APBA2: variants seen among roughly 807,000 people sequenced by gnomAD.
The protein encoded by APBA2 is amyloid beta precursor protein binding family A member 2.
A neutral mutation model predicts 75.0 loss-of-function variants in APBA2; 30 were observed. That is an observed-to-expected ratio of 0.40 (90% confidence interval 0.30 to 0.54). The LOEUF is 0.54. Ranked by LOEUF, APBA2 falls within the 20% of genes least tolerant of loss-of-function variation. The pLI is 0.49. For missense variants in APBA2, 801 were observed against 1,016.1 expected, an observed-to-expected ratio of 0.79 and a Z score of 2.88; for synonymous variants, 444 against 409.6, an observed-to-expected ratio of 1.08 and a Z score of -1.01.
At chr15:29,006,540 G>C (rs1237887222) in intron 3 of APBA2, among the ~76,000 whole-genome samples, 1 of 152,204 alleles carries the variant, frequency 6.6e-6, no homozygotes, top group East Asian at 1.9e-4. Flanking sequence ...ATTTACAAAG[G>C]AAAGAGGTTT....
intron 8 of APBA2, among the ~76,000 whole-genome samples, chr15:29,095,343 C>T (rs2043799508): frequency 6.6e-6 from 1 of 151,904 alleles, no homozygotes; most frequent in African/African-American, 2.4e-5. Context: ...GCAGGAGAAT[C>T]ACTTGAACTC....
At chr15:28,957,957 C>T (rs751169076) in intron 2 of APBA2, among the ~76,000 whole-genome samples, 2 of 152,182 alleles carry the variant, frequency 1.3e-5, no homozygotes, top group Admixed American at 6.5e-5. Context: ...TGTCCTGCTG[C>T]GACTGGGTTG....
chr15:29,073,720 T>G (rs190342106), intron 4 of APBA2, among the ~76,000 whole-genome samples: 10 of 152,350 alleles, frequency 6.6e-5, no homozygotes, highest in Non-Finnish European at 1.0e-4. Context: ...GATAATTTAT[T>G]TCCAGAAAGT....
intron 6 of APBA2, among the ~76,000 whole-genome samples, chr15:29,084,515 A>G (rs1464707040): frequency 1.3e-5 from 2 of 152,216 alleles, no homozygotes; most frequent in Non-Finnish European, 2.9e-5. Flanking sequence ...AGCCTCTTTA[A>G]ATATTTCATA....
intron 2 of APBA2, among the ~76,000 whole-genome samples, chr15:28,941,946 A>C (rs564530780): frequency 2.0e-4 from 30 of 152,118 alleles, no homozygotes; most frequent in African/African-American, 7.0e-4. Context: ...TTTTTAGTAG[A>C]GACACGGTTT....
At chr15:28,998,770 C>A (rs2038682787) in intron 3 of APBA2, among the ~76,000 whole-genome samples, 2 of 152,320 alleles carry the variant, frequency 1.3e-5, no homozygotes, top group African/African-American at 2.4e-5. Context: ...TGATGCAGGA[C>A]AGCTGGTTGG....
At chr15:28,936,480 C>T (rs565466877) in intron 2 of APBA2, among the ~76,000 whole-genome samples, 2 of 152,328 alleles carry the variant, frequency 1.3e-5, no homozygotes, top group East Asian at 1.9e-4. Flanking sequence ...TTTGGATACA[C>T]CGGTTCTGTG....
chr15:29,096,552 C>T lies in APBA2; in HGVS notation c.1252-1938C>T, dbSNP rs557841651. The stretch of plus-strand genomic sequence containing the variant: ...TTTTAAAAAACAGAAAAAGTTCCTC[C>T]GCGGCTGCGGATTGTCAGCTGCACT... On this transcript the variant is annotated intron_variant, in intron 8 of 14. Coordinates refer to ENST00000683413, the MANE Select transcript of APBA2 (RefSeq NM_001353788.2). Among the ~76,000 whole-genome samples the T allele has an allele frequency of 5.3e-5, 8 of 152,356 alleles. No individual in the cohort carries two copies. The South Asian group carries it at 1.5e-3, about 28-fold the overall frequency.
chr15:29,044,606 C>T (rs59203516), intron 3 of APBA2, among the ~76,000 whole-genome samples: 5,251 of 152,108 alleles, frequency 0.035, 255 homozygotes, highest in East Asian at 0.21. Flanking sequence ...GCCACACCCC[C>T]CCTGGGCTCA....
intron 2 of APBA2, among the ~76,000 whole-genome samples, chr15:28,964,370 T>C (rs985332369): frequency 2.0e-5 from 3 of 152,232 alleles, no homozygotes; most frequent in Non-Finnish European, 4.4e-5. Context: ...TGTAGTGATA[T>C]CTAGTTGTGG....
At chr15:28,992,318 A>T (rs1034686283) in intron 2 of APBA2, among the ~76,000 whole-genome samples, 1 of 152,180 alleles carries the variant, frequency 6.6e-6, no homozygotes. Context: ...ATCAAAGGTA[A>T]TCAGGAAATG....
intron 4 of APBA2, among the ~76,000 whole-genome samples, chr15:29,073,760 G>A (rs897043165): frequency 1.3e-5 from 2 of 152,208 alleles, no homozygotes; most frequent in East Asian, 1.9e-4. Context: ...TGCAGGCTCC[G>A]GAACCTCCTC....
chr15:28,967,007 A>G (rs2036774549), intron 2 of APBA2, among the ~76,000 whole-genome samples: 1 of 152,228 alleles, frequency 6.6e-6, no homozygotes. Context: ...AACTTAAAGT[A>G]TGATTAAAGA....
intron 3 of APBA2, among the ~76,000 whole-genome samples, chr15:29,037,386 C>T (rs368363494): frequency 2.1e-3 from 317 of 152,200 alleles, no homozygotes; most frequent in African/African-American, 7.2e-3. Flanking sequence ...TTCTAGGGAC[C>T]AGGCAAACAG....
chr15:28,974,599 A>G lies in APBA2; in HGVS notation c.-94-21154A>G, dbSNP rs540029657. On this transcript the variant is annotated intron_variant, in intron 2 of 14. Coordinates refer to ENST00000683413, the MANE Select transcript of APBA2 (RefSeq NM_001353788.2). ...ATACAAACAACATTCTGTGCTCACAATGCAATAAAACTAAAAATTAATCAT... is the reference window on the plus strand; with the variant it reads ...ATACAAACAACATTCTGTGCTCACAGTGCAATAAAACTAAAAATTAATCAT... Among the ~76,000 whole-genome samples the G allele has an allele frequency of 2.6e-5, 4 of 152,378 alleles. No individual in the cohort carries two copies. In the East Asian group the frequency reaches 7.7e-4, roughly 29 times the overall value.
At chr15:28,988,426 G>A (rs2152779064) in intron 2 of APBA2, among the ~76,000 whole-genome samples, 1 of 152,090 alleles carries the variant, frequency 6.6e-6, no homozygotes, top group South Asian at 2.1e-4. Flanking sequence ...ACTGCACACA[G>A]CTAATTTTTG....
Position 29,116,056 on chromosome 15 carries a change from GCTCCCT to G in APBA2, c.2179-1005_2179-1000del, listed in dbSNP as rs561975642. 4.3e-3 allele frequency among the ~76,000 whole-genome samples: 660 copies of G among 151,984 alleles called. 9 individuals are homozygous for G. The highest frequency in any genetic ancestry group is 0.015 in the African/African-American group (616 of 41,512). On this transcript the variant is annotated intron_variant, in intron 14 of 14. Transcript: ENST00000683413. ...CAGGAGAGGAGAAGTGGGCAGTAGA[GCTCCCT>G]TTCCGTTCTTGAAGCAGACGTTTAG...
chr15:29,046,401 G>A lies in APBA2; in HGVS notation c.-40-7444G>A, dbSNP rs1038625246. On this transcript the variant is annotated intron_variant, in intron 3 of 14. Coordinates refer to ENST00000683413, the MANE Select transcript of APBA2 (RefSeq NM_001353788.2). The surrounding 1 kb of genome is among the most constrained non-coding windows in gnomAD (Gnocchi z 5.0). ...CCGTCCTGCCAGGCCACCCACCTTT[G>A]CCCTTGTTTGAAGAAGCTGGGGACA... 1.3e-5 allele frequency among the ~76,000 whole-genome samples: 2 copies of A among 152,072 alleles called. No homozygotes were observed. Among genetic ancestry groups the A allele is most frequent in the Admixed American group, 6.5e-5 (1 of 15,276 alleles).
At chr15:28,935,667 C>T (rs544978791) in intron 2 of APBA2, among the ~76,000 whole-genome samples, 1 of 152,208 alleles carries the variant, frequency 6.6e-6, no homozygotes, top group Non-Finnish European at 1.5e-5. Flanking sequence ...CCCTCAGCCT[C>T]TCTCCAGACA....
Sources: allele counts gnomAD v4.1 joint callset (sites outside exome capture counted in the v4.1 genomes callset), GRCh38; gene constraint gnomAD v4.1.1; non-coding constraint Gnocchi (gnomAD v3.1); transcripts MANE v1.5; gene names NCBI Gene and HGNC (gene_info 2026-07-23, HGNC 2026-07-21).